CLEC16A: variants seen among roughly 807,000 people sequenced by gnomAD.
The protein encoded by CLEC16A is C-type lectin domain containing 16A.
A neutral mutation model predicts 109.5 loss-of-function variants in CLEC16A; 51 were observed. That is an observed-to-expected ratio of 0.47 (90% CI 0.37 to 0.59). The LOEUF (loss-of-function observed/expected upper bound fraction) is 0.59. Ranked by LOEUF, CLEC16A falls within the 20% of genes least tolerant of loss-of-function variation. CLEC16A has a pLI of 0.00. For missense variants in CLEC16A, 1,339 were observed against 1,394.0 expected (o/e 0.96, Z 0.63); for synonymous variants, 673 against 564.2 (o/e 1.19, Z -2.73).
At chr16:11,143,058 G>A (rs1430096495) in intron 22 of CLEC16A, among the ~76,000 whole-genome samples, 3 of 152,116 alleles carry the variant, frequency 2.0e-5, no homozygotes, top group Non-Finnish European at 2.9e-5. Context: ...TGATCCACCC[G>A]GCCTTGGCCT....
intron 10 of CLEC16A, among the ~76,000 whole-genome samples, chr16:10,986,069 C>T (rs113136686): frequency 0.15 from 17,508 of 117,218 alleles, 1,178 homozygotes; most frequent in Middle Eastern, 0.25. Context: ...CTCGCTCTGT[C>T]GCCCAGGCTG....
At chr16:11,070,473 C>T (rs922951814) in intron 19 of CLEC16A, 2 of 151,800 alleles carry the variant, frequency 1.3e-5, no homozygotes, top group African/African-American at 4.8e-5. Context: ...TCCCAAGGTG[C>T]TGGGATTACA....
intron 10 of CLEC16A, among the ~76,000 whole-genome samples, chr16:10,998,694 C>T (rs1488705252): frequency 6.6e-6 from 1 of 152,070 alleles, no homozygotes; most frequent in Non-Finnish European, 1.5e-5. Flanking sequence ...TTCTGTCTTG[C>T]CCTTTGGGTA....
chr16:11,099,717 T>C (rs1253911972), intron 19 of CLEC16A, among the ~76,000 whole-genome samples: 1 of 152,174 alleles, frequency 6.6e-6, no homozygotes, highest in Non-Finnish European at 1.5e-5. Context: ...AAAGCCCAGA[T>C]TTGTGTGGCT....
intron 15 of CLEC16A, among the ~76,000 whole-genome samples, chr16:11,043,657 G>A (rs1403643958): frequency 6.6e-6 from 1 of 152,072 alleles, no homozygotes; most frequent in South Asian, 2.1e-4. Flanking sequence ...CTGAGGTCAG[G>A]AGTTCGAGAC....
chr16:11,172,979 G>A (rs2068587709), intron 23 of CLEC16A, among the ~76,000 whole-genome samples: 1 of 152,132 alleles, frequency 6.6e-6, no homozygotes, highest in East Asian at 1.9e-4. Flanking sequence ...AGACAGGTCT[G>A]GCTGCTGTTG....
chr16:11,067,763 AGGT>A, intron 19 of CLEC16A, among the ~76,000 whole-genome samples: 1 of 152,250 alleles, frequency 6.6e-6, no homozygotes, highest in Non-Finnish European at 1.5e-5. Flanking sequence ...ATGAACTAAG[AGGT>A]GGTGTCCACA....
At chr16:11,171,152 A>G (rs2068494740) in intron 23 of CLEC16A, among the ~76,000 whole-genome samples, 1 of 152,192 alleles carries the variant, frequency 6.6e-6, no homozygotes, top group Admixed American at 6.5e-5. Flanking sequence ...CATGCCCATC[A>G]GGGCCGCGGC....
intron 15 of CLEC16A, 144 bp from the exon 16 acceptor site, chr16:11,043,883 GA>G (rs35371708): frequency 0.2 from 87,204 of 438,844 alleles, 3,949 homozygotes; most frequent in Middle Eastern, 0.25. Flanking sequence ...CAAGAAAAGG[GA>G]AAAAAAAAAA....
chr16:11,174,216 G>A lies in CLEC16A; in HGVS notation c.2807-4119G>A, dbSNP rs1340949787. ...CCTGTCGGAGGCCGACAGTCATGGCGGCCACTGGGTTTAGTGCTCCGAACG... is the reference window on the plus strand; with the variant it reads ...CCTGTCGGAGGCCGACAGTCATGGCAGCCACTGGGTTTAGTGCTCCGAACG... On this transcript the variant is annotated intron_variant, in intron 23 of 23. Coordinates refer to ENST00000409790, the MANE Select transcript of CLEC16A (RefSeq NM_015226.3). This position sits in a 1 kb window ranked among gnomAD's most constrained non-coding sequence, Gnocchi z 4.7. 1.3e-5 allele frequency: 6 copies of A among 469,018 alleles called. No homozygotes were observed. Among genetic ancestry groups the A allele is most frequent in the East Asian group, 6.9e-5 (1 of 14,408 alleles). The allele number at this position is 469,018 out of a possible 1,614,324, so 29.1% of individuals were successfully genotyped here.
At chr16:10,980,600 G>A (rs954121333) in intron 9 of CLEC16A, among the ~76,000 whole-genome samples, 28 of 152,078 alleles carry the variant, frequency 1.8e-4, no homozygotes, top group Non-Finnish European at 2.9e-5. Context: ...GAGAGAGTTA[G>A]GACTTTTCTC....
At chr16:10,980,968 GTCC>G (rs1185844585) in intron 9 of CLEC16A, among the ~76,000 whole-genome samples, 1 of 152,168 alleles carries the variant, frequency 6.6e-6, no homozygotes, top group Non-Finnish European at 1.5e-5. Context: ...AGGTGATGCT[GTCC>G]TCCTAAAACC....
intron 1 of CLEC16A, among the ~76,000 whole-genome samples, chr16:10,951,571 G>A (rs1460035608): frequency 1.3e-5 from 2 of 152,166 alleles, no homozygotes; most frequent in Non-Finnish European, 1.5e-5. Flanking sequence ...AGGGCCCTGG[G>A]CAGATGCCTC....
At chr16:11,039,913 G>A (rs201690771) in intron 14 of CLEC16A, 37 bp downstream of exon 14, 73 of 1,602,976 alleles carry the variant, frequency 4.6e-5, no homozygotes, top group African/African-American at 2.3e-4. Flanking sequence ...ACAGGGCCAC[G>A]CAGTTGTAGG....
intron 19 of CLEC16A, among the ~76,000 whole-genome samples, chr16:11,081,753 A>G (rs539519860): frequency 6.6e-6 from 1 of 152,358 alleles, no homozygotes; most frequent in Non-Finnish European, 1.5e-5. Context: ...GCCTTTCTCC[A>G]GGAAAGGATT....
chr16:11,007,566 T>C (rs1309885660), intron 11 of CLEC16A, among the ~76,000 whole-genome samples: 4 of 152,178 alleles, frequency 2.6e-5, no homozygotes, highest in African/African-American at 9.7e-5. Context: ...GGGCCTCAGA[T>C]TGTCATAAGT....
At chr16:11,032,472 C>T (rs1191300820) in intron 13 of CLEC16A, among the ~76,000 whole-genome samples, 4 of 152,246 alleles carry the variant, frequency 2.6e-5, no homozygotes, top group Admixed American at 6.5e-5. Context: ...ACTTGCTGAG[C>T]GCTTGCCAGG....
intron 19 of CLEC16A, among the ~76,000 whole-genome samples, chr16:11,061,996 T>C (rs1291828211): frequency 6.6e-6 from 1 of 152,234 alleles, no homozygotes; most frequent in African/African-American, 2.4e-5. Flanking sequence ...GAGAAGCTTC[T>C]CTTTCCCTTT....
Position 11,086,406 on chromosome 16 carries a change from C to T in CLEC16A, c.2116+25384C>T, listed in dbSNP as rs553833105. Among the ~76,000 whole-genome samples, 18 of 152,314 alleles carry T rather than the reference C, an allele frequency of 1.2e-4. No homozygotes were observed. The South Asian group carries it at 1.2e-3, about 11-fold the overall frequency. ...GGATTATTATGAGGATTCAGTGATG[C>T]GATCCATGTTGTTTTAACAGTGCTT... On this transcript the variant is annotated intron_variant, in intron 19 of 23. Coordinates refer to ENST00000409790, the MANE Select transcript of CLEC16A (RefSeq NM_015226.3).
Sources: allele counts gnomAD v4.1 joint callset (sites outside exome capture counted in the v4.1 genomes callset), GRCh38; gene constraint gnomAD v4.1.1; non-coding constraint Gnocchi (gnomAD v3.1); transcripts MANE v1.5; gene names NCBI Gene and HGNC (gene_info 2026-07-23, HGNC 2026-07-21).